The following COL28A1 variants were observed in gnomAD, a reference collection of about 807,000 sequenced individuals.
COL28A1 encodes the protein collagen type XXVIII alpha 1 chain.
In COL28A1, 161 loss-of-function variants were observed where a neutral mutation model predicts 150.2. That is an observed-to-expected ratio of 1.07 (90% CI 0.94 to 1.22). The LOEUF (loss-of-function observed/expected upper bound fraction) is 1.22. Among genes scored for constraint, COL28A1 ranks in the 50% most tolerant of loss-of-function variants. The pLI is 0.00. For synonymous variants in COL28A1, 552 were observed against 469.7 expected (o/e 1.18, Z -2.26); for missense variants, 1,617 against 1,388.3 (o/e 1.16, Z -2.62).
At chr7:7,338,270 T>C in the COL28A1 span, among the ~76,000 whole-genome samples, 1 of 152,042 alleles carries the variant, frequency 6.6e-6, no homozygotes, top group African/African-American at 2.4e-5. Context: ...CGGCAATCTG[T>C]AGATAGCTCT....
intron 27 of COL28A1, among the ~76,000 whole-genome samples, chr7:7,407,087 T>C (rs1783530993): frequency 6.6e-6 from 1 of 151,960 alleles, no homozygotes; most frequent in Admixed American, 6.6e-5. Context: ...TGAAGAAAGA[T>C]TTAATGAACT....
At chr7:7,440,960 C>G (rs1785731267) in intron 20 of COL28A1, 99 bp from the exon 21 acceptor site, 2 of 657,240 alleles carry the variant, frequency 3.0e-6, no homozygotes, top group Middle Eastern at 5.0e-4. Context: ...CGACTAATAC[C>G]AATTTTAAAG....
chr7:7,441,673 G>C lies in COL28A1; in HGVS notation c.1651-812C>G, dbSNP rs921375618. ...CAGATTGCTGGGCCCTCCACCCAGA[G>C]TTTCTGATTTAGTAGGTCTGCACTG... On this transcript the variant is annotated intron_variant, in intron 20 of 34. Coordinates refer to ENST00000399429, the MANE Select transcript of COL28A1 (RefSeq NM_001037763.3). Among the ~76,000 whole-genome samples the C allele has an allele frequency of 9.9e-5, 15 of 152,172 alleles. 2 individuals carry two copies. Among genetic ancestry groups the C allele is most frequent in the Admixed American group, 7.9e-4 (12 of 15,282 alleles).
At chr7:7,510,278 G>T (rs1273982126) in intron 9 of COL28A1, among the ~76,000 whole-genome samples, 1 of 151,624 alleles carries the variant, frequency 6.6e-6, no homozygotes, top group African/African-American at 2.4e-5. Flanking sequence ...TTTCATTATT[G>T]ATTGATTGAT....
At chr7:7,345,267 A>G in the COL28A1 span, among the ~76,000 whole-genome samples, 1 of 151,794 alleles carries the variant, frequency 6.6e-6, no homozygotes, top group Non-Finnish European at 1.5e-5. Flanking sequence ...GTTTCTCATG[A>G]TGGAAGCAGA....
intron 15 of COL28A1, among the ~76,000 whole-genome samples, chr7:7,464,297 C>T (rs1480462651): frequency 2.0e-5 from 3 of 152,016 alleles, no homozygotes; most frequent in Admixed American, 6.6e-5. Context: ...TAAACTATAC[C>T]CTGGAACAAA....
At chr7:7,410,949 GC>G (rs1323709662) in intron 27 of COL28A1, among the ~76,000 whole-genome samples, 2 of 151,950 alleles carry the variant, frequency 1.3e-5, no homozygotes, top group African/African-American at 4.8e-5. Context: ...TTTCTATTTG[GC>G]CTTCAAGCAT....
At chr7:7,532,532 G>A (rs1782426456) in intron 2 of COL28A1, among the ~76,000 whole-genome samples, 2 of 152,028 alleles carry the variant, frequency 1.3e-5, no homozygotes, top group South Asian at 4.2e-4. Flanking sequence ...AGGTTACTGT[G>A]AGGCTCAAAT....
chr7:7,367,815 TAAA>T (rs34049695), intron 33 of COL28A1, among the ~76,000 whole-genome samples: 1 of 142,786 alleles, frequency 7.0e-6, no homozygotes, highest in African/African-American at 2.6e-5. Flanking sequence ...TATTTTCCTT[TAAA>T]AAAAAAAAAA....
chr7:7,392,627 T>G (rs1263986534), intron 27 of COL28A1, among the ~76,000 whole-genome samples: 1 of 152,240 alleles, frequency 6.6e-6, no homozygotes. Flanking sequence ...AACGTAGGTT[T>G]GGTCTTTTCA....
In COL28A1 at chr7:7,506,075, A is replaced by G. The variant is rs1390747994; in HGVS notation, c.973-8T>C. 1 of 1,345,748 alleles carries G rather than the reference A, an allele frequency of 7.4e-7. No individual in the cohort carries two copies. Among genetic ancestry groups the G allele is most frequent in the Non-Finnish European group, 1.1e-6 (1 of 935,204 alleles). The allele number at this position is 1,345,748 out of a possible 1,614,324, so 83.4% of individuals were successfully genotyped here. Reference sequence around the variant, plus strand: ...TGGAGGTCCAGTAATTCCCTGCTCCAGGATGAAAACCAAGAATTAGTTCTG... The same window carrying G: ...TGGAGGTCCAGTAATTCCCTGCTCCGGGATGAAAACCAAGAATTAGTTCTG... On this transcript the variant is annotated splice_region_variant and splice_polypyrimidine_tract_variant and intron_variant, in intron 10 of 34. Transcript: ENST00000399429.
At chr7:7,440,739 CA>C in intron 21 of COL28A1, 50 bp downstream of exon 21, 1 of 733,062 alleles carries the variant, frequency 1.4e-6, no homozygotes, top group Admixed American at 2.3e-5. Flanking sequence ...ATATTAAAAC[CA>C]GACACAATAC....
intron 3 of COL28A1, among the ~76,000 whole-genome samples, chr7:7,529,756 C>T (rs1782243307): frequency 1.3e-5 from 2 of 152,218 alleles, no homozygotes; most frequent in African/African-American, 4.8e-5. Context: ...GTAACAACAG[C>T]CCACTCATGA....
chr7:7,444,922 G>T (rs966757963), intron 18 of COL28A1, among the ~76,000 whole-genome samples: 12 of 152,080 alleles, frequency 7.9e-5, no homozygotes, highest in African/African-American at 2.4e-4. Context: ...AGTTATGGGG[G>T]TGGACCTCCC....
At chr7:7,438,444 G>C (rs1020730975) in intron 21 of COL28A1, among the ~76,000 whole-genome samples, 6 of 152,098 alleles carry the variant, frequency 3.9e-5, no homozygotes, top group African/African-American at 1.4e-4. Flanking sequence ...AGGAAAGTTT[G>C]GTAATGCACA....
Position 7,388,031 on chromosome 7 carries a change from T to A in COL28A1, c.2137-6419A>T, listed in dbSNP as rs182581570. On this transcript the variant is annotated intron_variant, in intron 27 of 34. Transcript: ENST00000399429. ...CATACCAATTTCAGTTCAATTTTTT[T>A]AAATTATAATTTCTGGGGTACATGT... Among the ~76,000 whole-genome samples, 20 of 152,226 alleles carry A rather than the reference T, an allele frequency of 1.3e-4. No homozygotes were observed. The South Asian group carries it at 1.5e-3, about 11-fold the overall frequency.
intron 17 of COL28A1, among the ~76,000 whole-genome samples, chr7:7,452,940 G>C (rs1293552227): frequency 6.6e-6 from 1 of 152,154 alleles, no homozygotes; most frequent in African/African-American, 2.4e-5. Context: ...CAATATTAAG[G>C]ATAACTAGTT....
At chr7:7,460,907 C>G (rs1787562190) in intron 15 of COL28A1, among the ~76,000 whole-genome samples, 3 of 152,064 alleles carry the variant, frequency 2.0e-5, no homozygotes, top group Admixed American at 2.0e-4. Flanking sequence ...GGACAGGAGG[C>G]AGGACTAGAT....
intron 16 of COL28A1, 33 bp downstream of exon 16, chr7:7,456,011 G>C: frequency 6.2e-7 from 1 of 1,613,080 alleles, no homozygotes; most frequent in Non-Finnish European, 8.5e-7. Flanking sequence ...GGAATGTTCT[G>C]CACTGAAGGG....
Sources: gnomAD v4.1 joint callset for allele counts (sites outside exome capture counted in the v4.1 genomes callset) on GRCh38, gnomAD v4.1.1 for gene constraint, MANE v1.5 for transcripts, NCBI Gene and HGNC (gene_info 2026-07-23, HGNC 2026-07-21) for gene names.